YIPF7: variants seen among roughly 807,000 people sequenced by gnomAD.
YIPF7 encodes the protein Yip1 domain family member 7.
A neutral mutation model predicts 27.2 loss-of-function variants in YIPF7; 35 were observed. The observed-to-expected ratio is 1.29, with a 90% CI of 0.98 to 1.70. The LOEUF (loss-of-function observed/expected upper bound fraction) is 1.70, where lower values mean the gene tolerates loss of function less well. Ranked by LOEUF, YIPF7 falls within the 40% of genes most tolerant of loss-of-function variation. YIPF7 has a pLI of 0.00. For missense variants in YIPF7, 358 were observed against 303.7 expected (o/e 1.18, Z -1.33); for synonymous variants, 137 against 110.4 (o/e 1.24, Z -1.51).
chr4:44,643,045 AAG>A (rs934242233), intron 2 of YIPF7, among the ~76,000 whole-genome samples: 6 of 152,300 alleles, frequency 3.9e-5, no homozygotes, highest in African/African-American at 1.4e-4. Flanking sequence ...TAGATGTCAG[AAG>A]AGTGTGGAGG....
At chr4:44,626,719 CA>C (rs77921990) in intron 4 of YIPF7, among the ~76,000 whole-genome samples, 4,013 of 137,860 alleles carry the variant, frequency 0.029, 146 homozygotes, top group East Asian at 0.11. Flanking sequence ...TTTTTAACCT[CA>C]AAATTTTTAA....
upstream of YIPF7, among the ~76,000 whole-genome samples, chr4:44,653,083 T>C (rs542394046): frequency 4.6e-4 from 70 of 152,138 alleles, no homozygotes; most frequent in African/African-American, 1.5e-3. Context: ...AATGAAGAAG[T>C]CGCTTTACAG....
rs376027917 is a variant in YIPF7, at chr4:44,624,604, A to T, written c.605T>A (p.Leu202Gln). Residue 202 changes from leucine (L) to glutamine (Q), a missense_variant, in exon 5 of 6, where the codon CTG (leucine) becomes CAG (glutamine). Leu to Gln is a moderately radical substitution (Grantham distance 113). Transcript: ENST00000415895. ...TTGAGAGCACACAGACACTTACTGC[A>T]GTGAAAAGAACATGGCGCAACCAGA... is the stretch of plus-strand genomic sequence containing the variant. ...ILSGCAMFFS[L>Q]QGIFGIMSSL... The T allele has an allele frequency of 5.1e-6, 8 of 1,583,546 alleles. No homozygotes were observed. The African/African-American group carries it at 9.4e-5, about 19-fold the overall frequency.
At chr4:44,658,971 C>T (rs1713974487) in intron 2 of YIPF7, among the ~76,000 whole-genome samples, 1 of 152,000 alleles carries the variant, frequency 6.6e-6, no homozygotes, top group East Asian at 1.9e-4. Flanking sequence ...CTCAGCCAAA[C>T]CATATCACTA....
At chr4:44,644,042 C>T (rs2109594374) in intron 2 of YIPF7, among the ~76,000 whole-genome samples, 1 of 152,228 alleles carries the variant, frequency 6.6e-6, no homozygotes, top group East Asian at 1.9e-4. Flanking sequence ...CATCATCATC[C>T]AGACCCCAGA....
At chr4:44,630,811 T>G (rs1388389380) in intron 3 of YIPF7, among the ~76,000 whole-genome samples, 1 of 152,212 alleles carries the variant, frequency 6.6e-6, no homozygotes, top group Non-Finnish European at 1.5e-5. Flanking sequence ...ACCAGATCAG[T>G]TTCTTTTCTC....
intron 2 of YIPF7, among the ~76,000 whole-genome samples, chr4:44,641,280 T>A (rs1713316621): frequency 1.3e-5 from 2 of 152,162 alleles, no homozygotes; most frequent in Admixed American, 1.3e-4. Context: ...AGTGTGATTG[T>A]CTACACACCA....
chr4:44,654,534 G>A (rs1362044354), upstream of YIPF7, among the ~76,000 whole-genome samples: 1 of 151,482 alleles, frequency 6.6e-6, no homozygotes, highest in Admixed American at 6.6e-5. Flanking sequence ...CTATTCCCAT[G>A]GCTTTATATA....
chr4:44,641,683 G>T (rs1243942933), intron 2 of YIPF7, among the ~76,000 whole-genome samples: 1 of 152,110 alleles, frequency 6.6e-6, no homozygotes, highest in South Asian at 2.1e-4. Flanking sequence ...CTTTATGTGA[G>T]TAAGCCTGAC....
At chr4:44,626,348 G>T (rs1712634331) in intron 4 of YIPF7, among the ~76,000 whole-genome samples, 2 of 152,168 alleles carry the variant, frequency 1.3e-5, no homozygotes, top group East Asian at 3.9e-4. Context: ...TCACATCATT[G>T]TCATGCATTA....
chr4:44,661,157 G>C (rs1388245235), intron 1 of YIPF7, among the ~76,000 whole-genome samples: 2 of 152,140 alleles, frequency 1.3e-5, no homozygotes, highest in African/African-American at 4.8e-5. Flanking sequence ...CTCCAAAGTA[G>C]AAAATGGCTT....
intron 2 of YIPF7, among the ~76,000 whole-genome samples, chr4:44,646,973 C>A (rs1332565166): frequency 6.6e-6 from 1 of 152,166 alleles, no homozygotes; most frequent in East Asian, 1.9e-4. Context: ...AAGATCAAAT[C>A]TCTGGATTTC....
At chr4:44,659,419 T>C (rs1472609999) in intron 2 of YIPF7, among the ~76,000 whole-genome samples, 1 of 151,952 alleles carries the variant, frequency 6.6e-6, no homozygotes, top group Non-Finnish European at 1.5e-5. Context: ...GACAATTGGA[T>C]CAGGGATATA....
intron 2 of YIPF7, among the ~76,000 whole-genome samples, chr4:44,643,921 GC>G (rs1450863104): frequency 1.3e-5 from 2 of 152,084 alleles, no homozygotes; most frequent in African/African-American, 4.8e-5. Flanking sequence ...CAGGGGTGGA[GC>G]CCTCATGGAA....
intron 1 of YIPF7, among the ~76,000 whole-genome samples, chr4:44,660,812 G>T (rs377356766): frequency 6.6e-6 from 1 of 152,162 alleles, no homozygotes; most frequent in East Asian, 1.9e-4. Flanking sequence ...AAGCTCAAAG[G>T]GTCCCAGGCT....
chr4:44,638,929 C>T (rs1713233052), intron 2 of YIPF7, among the ~76,000 whole-genome samples: 1 of 152,194 alleles, frequency 6.6e-6, no homozygotes, highest in Admixed American at 6.5e-5. Context: ...TGTCCCAGCA[C>T]CATTTATTGA....
chr4:44,654,251 CAG>C (rs1253318911), upstream of YIPF7, among the ~76,000 whole-genome samples: 1 of 152,014 alleles, frequency 6.6e-6, no homozygotes, highest in African/African-American at 2.4e-5. Context: ...TGTTGAAGAA[CAG>C]AGTGTAGATT....
rs11461675 is a variant in YIPF7 at position 44,660,113 on chromosome 4, C to CAAAAAAAAAAAAAAAAAA, written c.-2+318_-2+335dup. Among the ~76,000 whole-genome samples, 122 of 25,522 alleles carry CAAAAAAAAAAAAAAAAAA rather than the reference C, an allele frequency of 4.8e-3. 31 individuals carry two copies. The highest frequency in any genetic ancestry group is 8.2e-3 in the East Asian group (7 of 856). The allele number at this position is 25,522 out of a possible 152,430, so 16.7% of individuals were successfully genotyped here. ...TGGGTGACAGAGCAAGACTCTGTCT[C>CAAAAAAAAAAAAAAAAAA]AAAAAAAAAAAAAAAAAAAAAAACG... On this transcript the variant is annotated intron_variant, in intron 2 of 2. Coordinates refer to the YIPF7 transcript ENST00000508947.
intron 2 of YIPF7, among the ~76,000 whole-genome samples, chr4:44,637,687 C>T (rs1404487456): frequency 2.6e-5 from 4 of 151,936 alleles, no homozygotes; most frequent in African/African-American, 9.7e-5. Context: ...TTTGGTGTAC[C>T]CATCACCTGA....
Sources: gnomAD v4.1 joint callset for allele counts (sites outside exome capture counted in the v4.1 genomes callset) on GRCh38, gnomAD v4.1.1 for gene constraint, MANE v1.5 for transcripts, NCBI Gene and HGNC (gene_info 2026-07-23, HGNC 2026-07-21) for gene names.